Variants in CCDC25 observed in about 807,000 individuals in gnomAD.
CCDC25 encodes coiled-coil domain-containing protein 25.
In CCDC25, 16 loss-of-function variants were observed where a neutral mutation model predicts 35.3. That is an observed-to-expected ratio of 0.45 (90% CI 0.31 to 0.69). The LOEUF (loss-of-function observed/expected upper bound fraction) is 0.69. Among genes scored for constraint, CCDC25 ranks in the 30% least tolerant of loss-of-function variants. The probability of loss-of-function intolerance (pLI) is 0.06; values close to 1 mark genes in which losing one functional copy is unlikely to be tolerated. For missense variants in CCDC25, 179 were observed against 250.7 expected (o/e 0.71, Z 1.93); for synonymous variants, 79 against 80.3 (o/e 0.98, Z 0.09).
In CCDC25 at chr8:27,768,503, C is replaced by T. The variant is rs559902574; in HGVS notation, c.29-3252G>A. On this transcript the variant is annotated intron_variant, in intron 1 of 8. Transcript: ENST00000356537. ...TCGCTTGAACCTAGGAGGCAGAAGT[C>T]GCAGTGAGTCGAGATCATGCCACTG... is the stretch of plus-strand genomic sequence containing the variant. Among the ~76,000 whole-genome samples, 7 of 146,658 alleles carry T rather than the reference C, an allele frequency of 4.8e-5. No individual in the cohort carries two copies. The East Asian group carries it at 1.0e-3, about 21-fold the overall frequency.
Position 27,770,868 on chromosome 8 carries a change from A to G in CCDC25, c.28+1645T>C, listed in dbSNP as rs62498026. Among the ~76,000 whole-genome samples the G allele has an allele frequency of 7.4e-3, 1,128 of 152,242 alleles. 11 individuals carry two copies. Among genetic ancestry groups the G allele is most frequent in the Non-Finnish European group, 8.5e-3 (579 of 68,030 alleles). On this transcript the variant is annotated intron_variant, in intron 1 of 8. Coordinates refer to ENST00000356537, the MANE Select transcript of CCDC25 (RefSeq NM_018246.3). ...TCATTTATTCAACAAGCATTTATTG[A>G]GAACTACTAACCAGTCACTACGTTA...
At position 27,736,305 on chromosome 8, in the gene CCDC25, T is replaced by G. The variant is rs532650614; in HGVS notation, c.598-60A>C. On this transcript the variant is annotated intron_variant, in intron 8 of 8. Coordinates refer to ENST00000356537, the MANE Select transcript of CCDC25 (RefSeq NM_018246.3). ...TTGAAAATAATTCAATATTTAAAAT[T>G]TACAATTATCTTAATTAGCGAGCTG... 1.6e-5 allele frequency: 22 copies of G among 1,376,302 alleles called. No homozygotes were observed. In the South Asian group the frequency reaches 2.2e-4, roughly 14 times the overall value. 85.3% of individuals were successfully genotyped at this position (1,376,302 alleles called of 1,614,324 possible).
chr8:27,767,288 C>T (rs975518584), intron 1 of CCDC25, among the ~76,000 whole-genome samples: 2 of 152,200 alleles, frequency 1.3e-5, no homozygotes, highest in African/African-American at 4.8e-5. Flanking sequence ...ATTGCTTGAA[C>T]CTGGGAGGCA....
rs1330105961 is a variant in CCDC25, at chr8:27,772,549, G to T, written c.-9C>A. On this transcript the variant is annotated 5_prime_UTR_variant, in exon 1 of 9. Coordinates refer to ENST00000356537, the MANE Select transcript of CCDC25 (RefSeq NM_018246.3). The stretch of plus-strand genomic sequence containing the variant: ...GTGAAGTAGAACACCATGATCCCGG[G>T]AGCGGTGCGGTGACTCCACCGCGGA... 1 of 1,549,278 alleles carries T rather than the reference G, an allele frequency of 6.5e-7. No individual in the cohort carries two copies. Among genetic ancestry groups the T allele is most frequent in the Non-Finnish European group, 8.7e-7 (1 of 1,146,574 alleles).
intron 7 of CCDC25, among the ~76,000 whole-genome samples, chr8:27,743,405 G>A (rs1020500835): frequency 6.6e-6 from 1 of 152,164 alleles, no homozygotes; most frequent in Non-Finnish European, 1.5e-5. Context: ...AGACAAACAC[G>A]GCCAGCAAGG....
chr8:27,738,751 A>G (rs1803340148), intron 8 of CCDC25, among the ~76,000 whole-genome samples: 1 of 152,178 alleles, frequency 6.6e-6, no homozygotes, highest in Admixed American at 6.5e-5. Flanking sequence ...CCTCTAAAAC[A>G]CAGAAAACTT....
In CCDC25 at chr8:27,772,580, A is replaced by G. The variant is rs1406376906; in HGVS notation, c.-40T>C. The G allele has an allele frequency of 6.5e-7, 1 of 1,542,596 alleles. No individual in the cohort carries two copies. Among genetic ancestry groups the G allele is most frequent in the Non-Finnish European group, 8.8e-7 (1 of 1,141,500 alleles). On this transcript the variant is annotated 5_prime_UTR_variant, in exon 1 of 9. Transcript: ENST00000356537. ...TGCGGTGACTCCACCGCGGAGCAGC[A>G]GCGCTCAACTCACGAAGCTCAGGAT...
chr8:27,770,106 C>A lies in CCDC25; in HGVS notation c.28+2407G>T, dbSNP rs187990805. Among the ~76,000 whole-genome samples, 145 of 151,894 alleles carry A rather than the reference C, an allele frequency of 9.5e-4. 1 individual carries two copies. The East Asian group carries it at 0.021, about 22-fold the overall frequency. ...TTGCAGTGAACTGAGATCACACCAC[C>A]GTACTCTAGCCCGAGTGACAGAGGG... On this transcript the variant is annotated intron_variant, in intron 1 of 8. Transcript: ENST00000356537.
At position 27,736,124 on chromosome 8, in the gene CCDC25, T is replaced by C; in HGVS notation, c.*92A>G. 4.1e-6 allele frequency: 5 copies of C among 1,216,438 alleles called. No homozygotes were observed. The allele number at this position is 1,216,438 out of a possible 1,614,324, so 75.4% of individuals were successfully genotyped here. On this transcript the variant is annotated 3_prime_UTR_variant, in exon 9 of 9. Transcript: ENST00000356537. Reference sequence around the variant, plus strand: ...TAGGATGAAGGTAGAATTTTGGTTGTATTTTATATTTCAGAACACAGATGA... The same window carrying C: ...TAGGATGAAGGTAGAATTTTGGTTGCATTTTATATTTCAGAACACAGATGA...
rs371055963 is a variant in CCDC25 at position 27,756,861 on chromosome 8, T to G, written c.117-91A>C. 14 of 892,854 alleles carry G rather than the reference T, an allele frequency of 1.6e-5. No homozygotes were observed. The South Asian group carries it at 1.8e-4, about 11-fold the overall frequency. The allele number at this position is 892,854 out of a possible 1,614,324, so 55.3% of individuals were successfully genotyped here. A position where few individuals can be genotyped will look rare whatever the true frequency, so the allele number is the denominator to read the frequency against. ...ATTTAAAGCATTCTGTTCTAAAAAG[T>G]CTTCACTCCATGCCTGCCACATGTG... On this transcript the variant is annotated intron_variant, in intron 3 of 8. Coordinates refer to ENST00000356537, the MANE Select transcript of CCDC25 (RefSeq NM_018246.3).
At chr8:27,738,601 GGTGT>G (rs35046025) in intron 8 of CCDC25, among the ~76,000 whole-genome samples, 65,099 of 149,932 alleles carry the variant, frequency 0.43, 14,205 homozygotes, top group East Asian at 0.63. Flanking sequence ...TCGGTAGGTA[GGTGT>G]GTGTGTGTGT....
At chr8:27,739,839 C>T (rs1456161168) in intron 8 of CCDC25, among the ~76,000 whole-genome samples, 1 of 152,176 alleles carries the variant, frequency 6.6e-6, no homozygotes, top group Non-Finnish European at 1.5e-5. Flanking sequence ...CTAAATTGTG[C>T]TATCTCTAGA....
At chr8:27,756,683 G>A (rs751416490) in intron 4 of CCDC25, 36 bp downstream of exon 4, 3 of 1,449,844 alleles carry the variant, frequency 2.1e-6, no homozygotes, top group East Asian at 4.5e-5. Context: ...GCATCATCAG[G>A]AGAAAAGTCA....
chr8:27,742,174 A>T (rs1364050873), intron 7 of CCDC25, among the ~76,000 whole-genome samples: 1 of 152,222 alleles, frequency 6.6e-6, no homozygotes, highest in Non-Finnish European at 1.5e-5. Flanking sequence ...ACCCAAGTAA[A>T]TATGAACTGT....
chr8:27,770,279 TA>T (rs1804546852), intron 1 of CCDC25, among the ~76,000 whole-genome samples: 1 of 151,800 alleles, frequency 6.6e-6, no homozygotes, highest in South Asian at 2.1e-4. Context: ...CCATCTTTAC[TA>T]AAAATACAAA....
intron 2 of CCDC25, among the ~76,000 whole-genome samples, chr8:27,764,854 T>C (rs1364991757): frequency 6.6e-6 from 1 of 152,230 alleles, no homozygotes; most frequent in Non-Finnish European, 1.5e-5. Flanking sequence ...GTCTATACTT[T>C]TTAAAAAATA....
chr8:27,745,964 A>G (rs1280725817), intron 7 of CCDC25, among the ~76,000 whole-genome samples: 1 of 152,244 alleles, frequency 6.6e-6, no homozygotes, highest in Admixed American at 6.5e-5. Flanking sequence ...CCCTTCAGTT[A>G]ATAGGAGTAT....
intron 3 of CCDC25, among the ~76,000 whole-genome samples, chr8:27,761,124 C>T (rs390774): frequency 5.3e-5 from 8 of 150,978 alleles, no homozygotes; most frequent in South Asian, 2.1e-4. Flanking sequence ...GGCGAAACTC[C>T]GTCTCAAAAA....
At chr8:27,755,626 C>A (rs929748448) in intron 4 of CCDC25, among the ~76,000 whole-genome samples, 6 of 152,144 alleles carry the variant, frequency 3.9e-5, no homozygotes, top group African/African-American at 1.4e-4. Context: ...AGTAGAGCAA[C>A]CTCCAAACAC....
Sources: gnomAD v4.1 joint callset for allele counts (sites outside exome capture counted in the v4.1 genomes callset) on GRCh38, gnomAD v4.1.1 for gene constraint, MANE v1.5 for transcripts, NCBI Gene and HGNC (gene_info 2026-07-23, HGNC 2026-07-21) for gene names.